The following N4BP2L1 variants were observed in gnomAD, a reference collection of about 807,000 sequenced individuals.
N4BP2L1 encodes the protein NEDD4 binding protein 2 like 1, also known as NEDD4-binding protein 2-like 1.
A neutral mutation model predicts 21.2 loss-of-function variants in N4BP2L1; 12 were observed. The observed-to-expected ratio is 0.57, with a 90% confidence interval of 0.36 to 0.92. The LOEUF (loss-of-function observed/expected upper bound fraction) is 0.92, where lower values mean the gene tolerates loss of function less well. Among genes scored for constraint, N4BP2L1 ranks in the 40% least tolerant of loss-of-function variants. The pLI is 0.01. For synonymous variants in N4BP2L1, 104 were observed against 112.8 expected (o/e 0.92, Z 0.49); for missense variants, 259 against 310.6 (o/e 0.83, Z 1.25).
intron 1 of N4BP2L1, chr13:32,416,106 T>C (rs1330396505): frequency 6.6e-6 from 1 of 152,252 alleles, no homozygotes; most frequent in African/African-American, 2.4e-5. Context: ...TTTAGATCTA[T>C]TTATGTTGAT....
intron 1 of N4BP2L1, chr13:32,419,484 C>A (rs1003205467): frequency 1.3e-5 from 4 of 311,666 alleles, no homozygotes; most frequent in Non-Finnish European, 2.4e-5. Flanking sequence ...GTTGGCTAGG[C>A]TGGTCTTGAA....
Position 32,402,096 on chromosome 13 carries a change from C to T in N4BP2L1, c.*846G>A. On this transcript the variant is annotated 3_prime_UTR_variant, in exon 5 of 5. Transcript: ENST00000380130. ...CTTGCACTCCCAAACATTTGAGCTG[C>T]CGACTAATTACACATGTTAATAGGC... 1.0e-6 allele frequency: 1 copy of T among 985,292 alleles called. No homozygotes were observed. The highest frequency in any genetic ancestry group is 1.2e-6 in the Non-Finnish European group (1 of 829,840). The allele number at this position is 985,292 out of a possible 1,614,324, so 61.0% of individuals were successfully genotyped here.
At position 32,427,933 on chromosome 13, in the gene N4BP2L1, G is replaced by C. The variant is rs771757437; in HGVS notation, c.150C>G (p.Leu50=). Residue 50 remains leucine, a synonymous_variant, in exon 1 of 5, where the codon CTC becomes CTG. Coordinates refer to ENST00000380130, the MANE Select transcript of N4BP2L1 (RefSeq NM_052818.3). ...CCAGTGTAGTTTTCCCGGAGCCCGG[G>C]AGGCCTCGCAGGAGGTAGAGGTGTT... The part of the protein sequence containing the change: ...FRKHLYLLRG[L]PGSGKTTLAR... 1.3e-6 allele frequency: 2 copies of C among 1,525,182 alleles called. No homozygotes were observed. The highest frequency in any genetic ancestry group is 1.8e-6 in the Non-Finnish European group (2 of 1,135,170). 94.5% of individuals were successfully genotyped at this position (1,525,182 alleles called of 1,614,324 possible).
chr13:32,404,556 T>A (rs2073354164), intron 3 of N4BP2L1, among the ~76,000 whole-genome samples, 159 bp from the exon 4 acceptor site: 1 of 151,200 alleles, frequency 6.6e-6, no homozygotes. Flanking sequence ...AGTTGTTTCA[T>A]TCCCATACTT....
upstream of N4BP2L1, among the ~76,000 whole-genome samples, chr13:32,429,561 A>G (rs2074937157): frequency 1.3e-5 from 2 of 152,242 alleles, no homozygotes; most frequent in African/African-American, 4.8e-5. Flanking sequence ...ACATGTGGCT[A>G]GTGAGCACTT....
At chr13:32,403,873 A>C (rs1417946238) in intron 4 of N4BP2L1, 2 of 457,460 alleles carry the variant, frequency 4.4e-6, no homozygotes, top group Non-Finnish European at 8.4e-6. Flanking sequence ...ATCTGAACCC[A>C]TGCATTCAAT....
At chr13:32,415,360 G>GC (rs1190711051) in intron 1 of N4BP2L1, among the ~76,000 whole-genome samples, 8 of 152,166 alleles carry the variant, frequency 5.3e-5, no homozygotes, top group African/African-American at 1.9e-4. Context: ...AACAGCTTTT[G>GC]CAACAGTCTT....
At chr13:32,403,627 A>G (rs907555575) in intron 4 of N4BP2L1, 2 of 512,084 alleles carry the variant, frequency 3.9e-6, no homozygotes, top group African/African-American at 1.9e-5. Context: ...AGAAGAATCA[A>G]CTGGGGATAT....
chr13:32,412,157 A>G (rs2073894202), intron 1 of N4BP2L1, among the ~76,000 whole-genome samples: 3 of 151,576 alleles, frequency 2.0e-5, no homozygotes, highest in Non-Finnish European at 4.4e-5. Context: ...TCTCCTTTTT[A>G]TTTCCACCTG....
upstream of N4BP2L1, among the ~76,000 whole-genome samples, chr13:32,429,306 G>A (rs976797793): frequency 2.0e-5 from 3 of 152,214 alleles, no homozygotes; most frequent in Admixed American, 6.5e-5. Context: ...GAGATGAGCT[G>A]CTCTCCCTTG....
chr13:32,418,706 GCCCA>G (rs1158077842), intron 1 of N4BP2L1, among the ~76,000 whole-genome samples: 10 of 152,244 alleles, frequency 6.6e-5, no homozygotes, highest in African/African-American at 2.4e-4. Context: ...GGGTGGAGCT[GCCCA>G]AGGCCATGGG....
intron 1 of N4BP2L1, among the ~76,000 whole-genome samples, chr13:32,422,847 G>T (rs1011255032): frequency 1.3e-5 from 2 of 151,206 alleles, no homozygotes; most frequent in African/African-American, 4.9e-5. Flanking sequence ...CAAAAAGCTA[G>T]TAGTCATTTT....
chr13:32,403,538 T>G (rs1808763376), intron 4 of N4BP2L1: 1 of 407,190 alleles, frequency 2.5e-6, no homozygotes, highest in South Asian at 2.1e-5. Context: ...CATGCATATA[T>G]CTATCTACTT....
At position 32,407,507 on chromosome 13, in the gene N4BP2L1, T is replaced by C. The variant is rs576656705; in HGVS notation, c.307+138A>G. 1.9e-6 allele frequency: 3 copies of C among 1,585,484 alleles called. No individual in the cohort carries two copies. The African/African-American group carries it at 4.0e-5, about 21-fold the overall frequency. Reference sequence around the variant, plus strand: ...CTTTCTCTGGAATCTAAGGAGGTTATGCTCTGGTGTTCTGTTTTGGGGGAA... The same window carrying C: ...CTTTCTCTGGAATCTAAGGAGGTTACGCTCTGGTGTTCTGTTTTGGGGGAA... On this transcript the variant is annotated intron_variant, in intron 2 of 4. Coordinates refer to ENST00000380130, the MANE Select transcript of N4BP2L1 (RefSeq NM_052818.3).
chr13:32,406,335 A>G (rs2073504955), intron 3 of N4BP2L1: 1 of 152,222 alleles, frequency 6.6e-6, no homozygotes, highest in Non-Finnish European at 1.5e-5. Flanking sequence ...TTAAAGGATA[A>G]TGTGCACACT....
Position 32,407,495 on chromosome 13 carries a change from C to A in N4BP2L1, c.307+150G>T, listed in dbSNP as rs979531801. On this transcript the variant is annotated intron_variant, in intron 2 of 4. Transcript: ENST00000380130. ...ATCAATAATTTTCTTTCTCTGGAATCTAAGGAGGTTATGCTCTGGTGTTCT... is the reference window on the plus strand; with the variant it reads ...ATCAATAATTTTCTTTCTCTGGAATATAAGGAGGTTATGCTCTGGTGTTCT... 2.5e-6 allele frequency: 4 copies of A among 1,579,630 alleles called. No homozygotes were observed. The Admixed American group carries it at 7.2e-5, about 29-fold the overall frequency.
intron 3 of N4BP2L1, 113 bp downstream of exon 3, chr13:32,407,137 C>G: frequency 9.1e-7 from 1 of 1,094,068 alleles, no homozygotes; most frequent in Non-Finnish European, 1.4e-6. Context: ...CTGGGAGAAC[C>G]ACTGTTAGCA....
chr13:32,407,456 A>G, intron 2 of N4BP2L1, 118 bp from the exon 3 acceptor site: 1 of 1,586,966 alleles, frequency 6.3e-7, no homozygotes. Flanking sequence ...ACACAACTTC[A>G]GAGCCCACTA....
chr13:32,418,741 A>G (rs889100583), intron 1 of N4BP2L1, among the ~76,000 whole-genome samples: 2 of 152,250 alleles, frequency 1.3e-5, no homozygotes, highest in African/African-American at 4.8e-5. Context: ...TTGCATCAGC[A>G]TGACCTGGAT....
Sources: gnomAD v4.1 joint callset for allele counts (sites outside exome capture counted in the v4.1 genomes callset) on GRCh38, gnomAD v4.1.1 for gene constraint, MANE v1.5 for transcripts, NCBI Gene and HGNC (gene_info 2026-07-23, HGNC 2026-07-21) for gene names.